Variants in MCIDAS observed in about 807,000 individuals in gnomAD.
MCIDAS encodes multiciliate differentiation and DNA synthesis associated cell cycle protein, also known as multicilin.
MCIDAS carries 23 observed loss-of-function variants against 35.4 expected under a neutral mutation model. The ratio of observed to expected loss-of-function variants is 0.65; its 90% CI spans 0.47 to 0.92. The LOEUF (loss-of-function observed/expected upper bound fraction) is 0.92, where lower values mean the gene tolerates loss of function less well. Ranked by LOEUF, MCIDAS falls within the 40% of genes least tolerant of loss-of-function variation. The pLI, the probability that MCIDAS is intolerant of heterozygous loss-of-function variation, is 0.00. For missense variants in MCIDAS, 480 were observed against 531.8 expected (o/e 0.90, Z 0.96); for synonymous variants, 228 against 235.2 (o/e 0.97, Z 0.28).
chr5:55,226,892 C>T lies in MCIDAS; in HGVS notation c.160G>A (p.Gly54Arg). The T allele has an allele frequency of 7.0e-7, 1 of 1,418,480 alleles. No homozygotes were observed. The highest frequency in any genetic ancestry group is 9.2e-7 in the Non-Finnish European group (1 of 1,092,424). The allele number at this position is 1,418,480 out of a possible 1,614,324, so 87.9% of individuals were successfully genotyped here. A position where few individuals can be genotyped will look rare whatever the true frequency, so the allele number is the denominator to read the frequency against. The change falls in exon 2 of 7, where the codon GGG becomes AGG. Residue 54 changes from glycine (G) to arginine (R), a missense_variant. Transcript: ENST00000513312. ...PRKFFPGCTG[G>R]SPVSVYEDPP... is the part of the protein sequence containing the mutation. Reference sequence around the variant, plus strand: ...TCCTCGTACACCGACACCGGGCTCCCGCCTGTGCATCCGGGGAAGAACTTC... The same window carrying T: ...TCCTCGTACACCGACACCGGGCTCCTGCCTGTGCATCCGGGGAAGAACTTC...
At position 55,220,441 on chromosome 5, in the gene MCIDAS, G is replaced by A. The variant is rs1011061403; in HGVS notation, c.1083C>T (p.Leu361=). 4.6e-6 allele frequency: 7 copies of A among 1,536,002 alleles called. No homozygotes were observed. The African/African-American group carries it at 5.5e-5, about 12-fold the overall frequency. ...TGAAGGCATTGCCCTGGGGGAAGGC[G>A]AGGGTGCGGATGGTGCTGTGGCTGC... The part of the protein sequence containing the change: ...RIRSHSTIRT[L]AFPQGNAFTI... The change falls in exon 7 of 7, where the codon CTC becomes CTT. Residue 361 remains leucine, a synonymous_variant. Coordinates refer to ENST00000513312, the MANE Select transcript of MCIDAS (RefSeq NM_001190787.3).
Position 55,222,410 on chromosome 5 carries a change from G to A in MCIDAS, c.383-11C>T, listed in dbSNP as rs1228183812. ...TCATAGAGGATGAGTCTGGAGAAGA[G>A]CAGGAGCTGGATTTGCAGCCTCAAA... On this transcript the variant is annotated splice_polypyrimidine_tract_variant and intron_variant, in intron 4 of 6. Coordinates refer to ENST00000513312, the MANE Select transcript of MCIDAS (RefSeq NM_001190787.3). 1 of 1,463,890 alleles carries A rather than the reference G, an allele frequency of 6.8e-7. No homozygotes were observed. Among genetic ancestry groups the A allele is most frequent in the Non-Finnish European group, 9.0e-7 (1 of 1,109,600 alleles). 90.7% of individuals were successfully genotyped at this position (1,463,890 alleles called of 1,614,324 possible).
At chr5:55,226,540 C>G in intron 3 of MCIDAS, 36 bp downstream of exon 3, 1 of 1,522,332 alleles carries the variant, frequency 6.6e-7, no homozygotes, top group Non-Finnish European at 8.8e-7. Context: ...GTTTGGGTTG[C>G]GTGAAACCAC....
intron 3 of MCIDAS, among the ~76,000 whole-genome samples, chr5:55,225,911 G>T (rs1254590504): frequency 2.6e-5 from 4 of 152,208 alleles, no homozygotes. Flanking sequence ...CAAGAAGACA[G>T]GTTTTGGGGA....
rs369298755 is a variant in MCIDAS at position 55,223,647 on chromosome 5, G to A, written c.310-624C>T. ...CTTTCCACCCAAGACCCGACAGCGT[G>A]CAGGGGCCTCGAGCAGTAATTTGAG... On this transcript the variant is annotated intron_variant, in intron 3 of 6. Coordinates refer to ENST00000513312, the MANE Select transcript of MCIDAS (RefSeq NM_001190787.3). This position sits in a 1 kb window ranked among gnomAD's most constrained non-coding sequence, Gnocchi z 4.4. 1.3e-5 allele frequency among the ~76,000 whole-genome samples: 2 copies of A among 152,250 alleles called. No individual in the cohort carries two copies. Among genetic ancestry groups the A allele is most frequent in the Admixed American group, 6.5e-5 (1 of 15,290 alleles).
At chr5:55,221,150 CAGGGGT>C (rs1561115033) in intron 5 of MCIDAS, 24 bp from the exon 6 acceptor site, 2 of 1,509,824 alleles carry the variant, frequency 1.3e-6, no homozygotes, top group Middle Eastern at 1.7e-4. Flanking sequence ...CCCAAACATT[CAGGGGT>C]AGGTACTGTG....
At chr5:55,221,616 T>C (rs1295206768) in intron 5 of MCIDAS, among the ~76,000 whole-genome samples, 1 of 152,100 alleles carries the variant, frequency 6.6e-6, no homozygotes, top group Non-Finnish European at 1.5e-5. Context: ...TCCCCCCAAA[T>C]AAAACTATTT....
Position 55,223,751 on chromosome 5 carries a change from G to A in MCIDAS, c.310-728C>T, listed in dbSNP as rs1189312258. On this transcript the variant is annotated intron_variant, in intron 3 of 6. Transcript: ENST00000513312. The surrounding 1 kb of genome is among the most constrained non-coding windows in gnomAD (Gnocchi z 4.4). Reference sequence around the variant, plus strand: ...GAGCGGGAAGAAAGCTGTGATTCGAGGGGCCAGGAGAATACGGGAAAAGCT... The same window carrying A: ...GAGCGGGAAGAAAGCTGTGATTCGAAGGGCCAGGAGAATACGGGAAAAGCT... 6.6e-6 allele frequency among the ~76,000 whole-genome samples: 1 copy of A among 152,218 alleles called. No homozygotes were observed. Among genetic ancestry groups the A allele is most frequent in the African/African-American group, 2.4e-5 (1 of 41,450 alleles).
At position 55,220,452 on chromosome 5, in the gene MCIDAS, T is replaced by C. The variant is rs1193430771; in HGVS notation, c.1072A>G (p.Ile358Val). The change falls in exon 7 of 7, where the codon ATC (isoleucine) becomes GTC (valine). Residue 358 changes from isoleucine to valine, a missense_variant. By Grantham distance (29) the Ile-to-Val change is conservative. Coordinates refer to ENST00000513312, the MANE Select transcript of MCIDAS (RefSeq NM_001190787.3). ...FSTRIRSHST[I>V]RTLAFPQGNA... ...CCCTGGGGGAAGGCGAGGGTGCGGA[T>C]GGTGCTGTGGCTGCGGATGCGGGTG... The C allele has an allele frequency of 2.0e-6, 3 of 1,536,036 alleles. No individual in the cohort carries two copies. The highest frequency in any genetic ancestry group is 1.7e-6 in the Non-Finnish European group (2 of 1,146,896).
intron 3 of MCIDAS, among the ~76,000 whole-genome samples, chr5:55,224,619 G>C (rs1362550551): frequency 6.6e-6 from 1 of 152,198 alleles, no homozygotes; most frequent in African/African-American, 2.4e-5. Flanking sequence ...AGGGATTTGA[G>C]AAAAGTCTCA....
intron 6 of MCIDAS, 60 bp from the exon 7 acceptor site, chr5:55,220,866 G>A: frequency 3.4e-6 from 5 of 1,484,252 alleles, no homozygotes; most frequent in Non-Finnish European, 4.5e-6. Context: ...GGTTCGGAGC[G>A]TGCAAAAGGT....
Position 55,221,126 on chromosome 5 carries a change from G to A in MCIDAS, c.607C>T (p.Leu203=). 1 of 1,535,480 alleles carries A rather than the reference G, an allele frequency of 6.5e-7. No individual in the cohort carries two copies. The highest frequency in any genetic ancestry group is 8.7e-7 in the Non-Finnish European group (1 of 1,146,352). Residue 203 remains leucine, a splice_region_variant and synonymous_variant, in exon 6 of 7, where the codon CTG becomes TTG. Transcript: ENST00000513312. ...TGTTTCTGGGTCAATGTCACGTGCA[G>A]CTGCAGGAGGAGACCCAAACATTCA... is the stretch of plus-strand genomic sequence containing the variant. The part of the protein sequence containing the change: ...LGDALVENNQ[L]HVTLTQKQEE...
chr5:55,224,297 C>A lies in MCIDAS; in HGVS notation c.310-1274G>T, dbSNP rs138752156. Among the ~76,000 whole-genome samples, 21 of 152,118 alleles carry A rather than the reference C, an allele frequency of 1.4e-4. No homozygotes were observed. The East Asian group carries it at 4.1e-3, about 29-fold the overall frequency. ...CAGAAAGACCTTATTATACTGAATG[C>A]ACTGTTGATTCATTCCTTTGCGCTC... On this transcript the variant is annotated intron_variant, in intron 3 of 6. Coordinates refer to ENST00000513312, the MANE Select transcript of MCIDAS (RefSeq NM_001190787.3).
In MCIDAS at chr5:55,225,675, G is replaced by A. The variant is rs559569370; in HGVS notation, c.309+901C>T. Among the ~76,000 whole-genome samples, 25 of 152,302 alleles carry A rather than the reference G, an allele frequency of 1.6e-4. No homozygotes were observed. In the South Asian group the frequency reaches 2.1e-3, roughly 13 times the overall value. On this transcript the variant is annotated intron_variant, in intron 3 of 6. Transcript: ENST00000513312. ...AGTTCTGGGAGGTGGTCAATTCTTT[G>A]TAGAGTTCCATACTGGGCCTGTCTG...
intron 6 of MCIDAS, 79 bp from the exon 7 acceptor site, chr5:55,220,885 C>T: frequency 6.8e-7 from 1 of 1,464,186 alleles, no homozygotes; most frequent in Non-Finnish European, 9.1e-7. Flanking sequence ...GTGACCTAGG[C>T]GCGCTACGCA....
In MCIDAS at chr5:55,223,755, C is replaced by T. The variant is rs1250545519; in HGVS notation, c.310-732G>A. Reference sequence around the variant, plus strand: ...GGGAAGAAAGCTGTGATTCGAGGGGCCAGGAGAATACGGGAAAAGCTTCTG... The same window carrying T: ...GGGAAGAAAGCTGTGATTCGAGGGGTCAGGAGAATACGGGAAAAGCTTCTG... On this transcript the variant is annotated intron_variant, in intron 3 of 6. Coordinates refer to ENST00000513312, the MANE Select transcript of MCIDAS (RefSeq NM_001190787.3). This position sits in a 1 kb window ranked among gnomAD's most constrained non-coding sequence, Gnocchi z 4.4. Among the ~76,000 whole-genome samples, 1 of 152,212 alleles carries T rather than the reference C, an allele frequency of 6.6e-6. No homozygotes were observed. The highest frequency in any genetic ancestry group is 2.4e-5 in the African/African-American group (1 of 41,460).
chr5:55,221,702 A>T (rs1420519724), intron 5 of MCIDAS, among the ~76,000 whole-genome samples: 4 of 152,204 alleles, frequency 2.6e-5, no homozygotes, highest in African/African-American at 7.2e-5. Context: ...AGGCAGACGG[A>T]TCACCCGAGG....
chr5:55,225,834 T>C (rs1483718407), intron 3 of MCIDAS, among the ~76,000 whole-genome samples: 2 of 152,146 alleles, frequency 1.3e-5, no homozygotes, highest in Non-Finnish European at 2.9e-5. Context: ...CAGACACCAG[T>C]GCTGGGAGAC....
Position 55,220,531 on chromosome 5 carries a change from G to A in MCIDAS, c.993C>T (p.Ser331=). Residue 331 remains serine (S), a synonymous_variant, in exon 7 of 7, where the codon AGC becomes AGT. Coordinates refer to ENST00000513312, the MANE Select transcript of MCIDAS (RefSeq NM_001190787.3). ...TGTGGCTCAGGTTCAACGCGCTCCG[G>A]CTGCAGTCTGTGCGCAGCCCCCGGA... is the stretch of plus-strand genomic sequence containing the variant. ...GAFRGLRTDC[S]RSALNLSHSE... The A allele has an allele frequency of 6.5e-7, 1 of 1,536,060 alleles. No individual in the cohort carries two copies. Among genetic ancestry groups the A allele is most frequent in the Non-Finnish European group, 8.7e-7 (1 of 1,146,888 alleles).
Sources: gnomAD v4.1 joint callset for allele counts (sites outside exome capture counted in the v4.1 genomes callset) on GRCh38, gnomAD v4.1.1 for gene constraint, Gnocchi (gnomAD v3.1) non-coding constraint, MANE v1.5 for transcripts, NCBI Gene and HGNC (gene_info 2026-07-23, HGNC 2026-07-21) for gene names.